The following INTS7 variants were observed in gnomAD, a reference collection of about 807,000 sequenced individuals.
INTS7 encodes integrator complex subunit 7, also known as chromosome 1 open reading frame 73.
INTS7 carries 46 observed loss-of-function variants against 109.2 expected under a neutral mutation model. The observed-to-expected ratio is 0.42, with a 90% CI of 0.33 to 0.54. The LOEUF (loss-of-function observed/expected upper bound fraction) is 0.54. Ranked by LOEUF, INTS7 falls within the 20% of genes least tolerant of loss-of-function variation. The pLI is 0.07. For synonymous variants in INTS7, 412 were observed against 402.9 expected (o/e 1.02, Z -0.27); for missense variants, 929 against 1,132.4 (o/e 0.82, Z 2.58).
intron 1 of INTS7, among the ~76,000 whole-genome samples, chr1:212,029,770 A>G (rs1667071931): frequency 6.6e-6 from 1 of 152,258 alleles, no homozygotes; most frequent in African/African-American, 2.4e-5. Context: ...AAATTGAACC[A>G]TAACACGAAC....
intron 8 of INTS7, among the ~76,000 whole-genome samples, chr1:211,984,955 A>C (rs916416167): frequency 2.6e-5 from 4 of 152,150 alleles, no homozygotes; most frequent in Non-Finnish European, 4.4e-5. Context: ...ATGCTATTAC[A>C]TCCTCTACTA....
chr1:211,970,921 A>G (rs1664140010), intron 13 of INTS7, among the ~76,000 whole-genome samples: 1 of 152,152 alleles, frequency 6.6e-6, no homozygotes, highest in Admixed American at 6.5e-5. Context: ...AATATCTCTA[A>G]ACAGGAACAG....
rs145502756 is a variant in INTS7 at position 212,004,904 on chromosome 1, C to T, written c.879+1735G>A. Among the ~76,000 whole-genome samples, 112 of 152,158 alleles carry T rather than the reference C, an allele frequency of 7.4e-4. 2 individuals are homozygous for T. In the East Asian group the frequency reaches 0.018, roughly 24 times the overall value. On this transcript the variant is annotated intron_variant, in intron 7 of 19. Transcript: ENST00000366994. Reference sequence around the variant, plus strand: ...AGTCTGATAATTCTATGTGTTGGTACGGATGTGATTAATGGACGCCCTCAT... The same window carrying T: ...AGTCTGATAATTCTATGTGTTGGTATGGATGTGATTAATGGACGCCCTCAT...
chr1:211,969,255 A>T (rs933690110), intron 13 of INTS7, among the ~76,000 whole-genome samples: 1 of 151,454 alleles, frequency 6.6e-6, no homozygotes, highest in African/African-American at 2.4e-5. Context: ...ACTGCACTCC[A>T]GCCTGGGCGA....
chr1:211,975,153 T>A lies in INTS7; in HGVS notation c.1815+13A>T. On this transcript the variant is annotated intron_variant, in intron 13 of 19. Transcript: ENST00000366994. Reference sequence around the variant, plus strand: ...TAAATCATCACCACCAAAGGTGAATTAAGAGGACTTACTGTTAAGGAAGCA... The same window carrying A: ...TAAATCATCACCACCAAAGGTGAATAAAGAGGACTTACTGTTAAGGAAGCA... 1 of 1,568,092 alleles carries A rather than the reference T, an allele frequency of 6.4e-7. No individual in the cohort carries two copies. Among genetic ancestry groups the A allele is most frequent in the Admixed American group, 1.7e-5 (1 of 59,838 alleles).
At chr1:211,954,029 G>C (rs1389577916) in intron 16 of INTS7, among the ~76,000 whole-genome samples, 1 of 152,162 alleles carries the variant, frequency 6.6e-6, no homozygotes, top group Non-Finnish European at 1.5e-5. Context: ...GTGTGAAAGT[G>C]TTCCTATTTC....
At chr1:211,995,261 A>G (rs1665330889) in intron 7 of INTS7, among the ~76,000 whole-genome samples, 1 of 152,264 alleles carries the variant, frequency 6.6e-6, no homozygotes, top group Non-Finnish European at 1.5e-5. Context: ...TACAGACAGC[A>G]TAAAATAATG....
chr1:211,982,593 A>G, intron 9 of INTS7, 83 bp downstream of exon 9: 1 of 1,090,502 alleles, frequency 9.2e-7, no homozygotes, highest in Non-Finnish European at 1.3e-6. Flanking sequence ...GCTAAAAATA[A>G]GGGATTAAAA....
chr1:211,969,702 C>T (rs1034347749), intron 13 of INTS7, among the ~76,000 whole-genome samples: 1 of 150,722 alleles, frequency 6.6e-6, no homozygotes, highest in Non-Finnish European at 1.5e-5. Context: ...ACTAAGGGTG[C>T]GTACCACCAT....
chr1:212,006,628 G>A lies in INTS7; in HGVS notation c.879+11C>T. Reference sequence around the variant, plus strand: ...ATTTTTTCTATATAAAATGTTACAAGTTCTACATACCTGAATATTCTCCCT... The same window carrying A: ...ATTTTTTCTATATAAAATGTTACAAATTCTACATACCTGAATATTCTCCCT... On this transcript the variant is annotated intron_variant, in intron 7 of 19. Transcript: ENST00000366994. 1 of 1,437,388 alleles carries A rather than the reference G, an allele frequency of 7.0e-7. No homozygotes were observed. The highest frequency in any genetic ancestry group is 9.5e-7 in the Non-Finnish European group (1 of 1,052,776). 89.0% of individuals were successfully genotyped at this position (1,437,388 alleles called of 1,614,324 possible). A position where few individuals can be genotyped will look rare whatever the true frequency, so the allele number is the denominator to read the frequency against.
intron 7 of INTS7, among the ~76,000 whole-genome samples, chr1:212,005,059 G>C (rs191373911): frequency 6.6e-6 from 1 of 152,086 alleles, no homozygotes; most frequent in African/African-American, 2.4e-5. Context: ...AGAAATTTGC[G>C]TGTGTGAACT....
chr1:211,993,246 C>T (rs1327339964), intron 7 of INTS7, among the ~76,000 whole-genome samples: 1 of 152,238 alleles, frequency 6.6e-6, no homozygotes, highest in Non-Finnish European at 1.5e-5. Flanking sequence ...TGTTACTCCT[C>T]CTAGTCACAG....
chr1:212,023,459 G>GT (rs1253813461), intron 1 of INTS7, among the ~76,000 whole-genome samples: 1 of 152,114 alleles, frequency 6.6e-6, no homozygotes, highest in Admixed American at 6.5e-5. Flanking sequence ...GTGTGAGATG[G>GT]TATCTTACTA....
chr1:211,959,071 C>T lies in INTS7; in HGVS notation c.2184-6370G>A, dbSNP rs991461303. ...GCTACTGCCACGGGCCTCTGGAATC[C>T]TGGCAGGAGATTCCTCGACCACTAT... On this transcript the variant is annotated intron_variant, in intron 16 of 19. Transcript: ENST00000366994. The surrounding 1 kb of genome is among the most constrained non-coding windows in gnomAD (Gnocchi z 4.2). Among the ~76,000 whole-genome samples the T allele has an allele frequency of 1.5e-4, 23 of 152,320 alleles. No homozygotes were observed. The highest frequency in any genetic ancestry group is 2.8e-4 in the Non-Finnish European group (19 of 68,028).
chr1:212,006,907 G>T, intron 6 of INTS7, 146 bp from the exon 7 acceptor site: 2 of 661,834 alleles, frequency 3.0e-6, no homozygotes, highest in East Asian at 2.6e-5. Flanking sequence ...CCCACATTTG[G>T]GCCTCTTTCT....
intron 7 of INTS7, among the ~76,000 whole-genome samples, chr1:211,995,774 G>A (rs1174549184): frequency 6.6e-6 from 1 of 152,166 alleles, no homozygotes; most frequent in Non-Finnish European, 1.5e-5. Flanking sequence ...CCTCATGAAT[G>A]GGGTAAGTAA....
At chr1:211,998,936 T>C (rs1196895136) in intron 7 of INTS7, among the ~76,000 whole-genome samples, 1 of 152,100 alleles carries the variant, frequency 6.6e-6, no homozygotes, top group African/African-American at 2.4e-5. Context: ...AAGCGCAAAA[T>C]AAAACCATGA....
At chr1:211,986,654 A>T (rs372356375) in intron 8 of INTS7, among the ~76,000 whole-genome samples, 2 of 152,148 alleles carry the variant, frequency 1.3e-5, no homozygotes, top group South Asian at 4.1e-4. Flanking sequence ...GCTAGAGTAT[A>T]TTCTGGAAAC....
At chr1:212,021,054 T>C in intron 2 of INTS7, 29 bp downstream of exon 2, 3 of 1,579,246 alleles carry the variant, frequency 1.9e-6, no homozygotes, top group Admixed American at 1.9e-5. Flanking sequence ...CAAAGTACTT[T>C]AGGACATCGA....
Sources: allele counts gnomAD v4.1 joint callset (sites outside exome capture counted in the v4.1 genomes callset), GRCh38; gene constraint gnomAD v4.1.1; non-coding constraint Gnocchi (gnomAD v3.1); transcripts MANE v1.5; gene names NCBI Gene and HGNC (gene_info 2026-07-23, HGNC 2026-07-21).